The following SYMPK variants were observed in gnomAD, a reference collection of about 807,000 sequenced individuals.
SYMPK encodes symplekin.
In SYMPK, 49 loss-of-function variants were observed where a neutral mutation model predicts 136.4. The observed-to-expected ratio is 0.36, with a 90% confidence interval of 0.29 to 0.46. The LOEUF (loss-of-function observed/expected upper bound fraction) is 0.46. Ranked by LOEUF, SYMPK falls within the 20% of genes least tolerant of loss-of-function variation. SYMPK has a pLI of 1.00. For missense variants in SYMPK, 1,365 were observed against 1,690.0 expected (o/e 0.81, Z 3.37); for synonymous variants, 766 against 713.0 (o/e 1.07, Z -1.19).
intron 1 of SYMPK, among the ~76,000 whole-genome samples, chr19:45,862,243 T>C (rs1379249550): frequency 6.6e-6 from 1 of 152,154 alleles, no homozygotes; most frequent in Non-Finnish European, 1.5e-5. Context: ...TTTAAGAACA[T>C]TTGGGATGCG....
intron 5 of SYMPK, among the ~76,000 whole-genome samples, chr19:45,850,435 C>T (rs913852715): frequency 1.3e-5 from 2 of 152,188 alleles, no homozygotes; most frequent in African/African-American, 4.8e-5. Context: ...ATTTAATACA[C>T]AGTAGCTAGT....
chr19:45,829,388 G>A (rs907571798), intron 13 of SYMPK, among the ~76,000 whole-genome samples, 183 bp from the exon 14 acceptor site: 2 of 152,098 alleles, frequency 1.3e-5, no homozygotes, highest in African/African-American at 4.8e-5. Flanking sequence ...GGGGGGTGGG[G>A]GTACCAGGGT....
At chr19:45,858,250 T>C (rs1296549344) in intron 1 of SYMPK, among the ~76,000 whole-genome samples, 1 of 152,182 alleles carries the variant, frequency 6.6e-6, no homozygotes, top group Non-Finnish European at 1.5e-5. Context: ...TCAGGGCCAA[T>C]GTCCCCATCA....
chr19:45,849,023 C>T, intron 5 of SYMPK, 147 bp from the exon 6 acceptor site: 1 of 931,226 alleles, frequency 1.1e-6, no homozygotes, highest in Non-Finnish European at 1.7e-6. Context: ...GTGCTTGGTG[C>T]CTCCAGACTG....
chr19:45,827,565 C>A lies in SYMPK; in HGVS notation c.2126G>T (p.Arg709Leu). Reference sequence around the variant, plus strand: ...GAGGACATGCAGGTACTGGAACTGGCGGGACGGGCGCTTGAAGATCAGGTC... The same window carrying A: ...GAGGACATGCAGGTACTGGAACTGGAGGGACGGGCGCTTGAAGATCAGGTC... ...LRDLIFKRPS[R>L]QFQYLHVLLD... Residue 709 changes from arginine to leucine, a missense_variant, in exon 16 of 27, where the codon CGC becomes CTC. Around this residue, in one of 11 missense-constraint regions of SYMPK, gnomAD observed 303 missense variants for 326.6 expected, o/e 0.93. Coordinates refer to ENST00000245934, the MANE Select transcript of SYMPK (RefSeq NM_004819.3). 6.2e-7 allele frequency: 1 copy of A among 1,614,062 alleles called. No homozygotes were observed. The highest frequency in any genetic ancestry group is 8.5e-7 in the Non-Finnish European group (1 of 1,179,998).
chr19:45,842,378 T>G lies in SYMPK; in HGVS notation c.959A>C (p.Gln320Pro). The G allele has an allele frequency of 6.2e-7, 1 of 1,614,198 alleles. No homozygotes were observed. Among genetic ancestry groups the G allele is most frequent in the South Asian group, 1.1e-5 (1 of 91,086 alleles). The stretch of plus-strand genomic sequence containing the variant: ...CAGGTCCACCAGCAGGGTGGTGATC[T>G]GGGCCTGGAACTCCAAGGAAGCCGG... Reference protein sequence around the residue: ...KHPASLEFQAQITTLLVDLGT... With the variant: ...KHPASLEFQAPITTLLVDLGT... Residue 320 changes from glutamine to proline, a missense_variant, in exon 9 of 27, where the codon CAG (glutamine) becomes CCG (proline). By Grantham distance (76) the Gln-to-Pro change is moderately conservative. Coordinates refer to ENST00000245934, the MANE Select transcript of SYMPK (RefSeq NM_004819.3).
At chr19:45,845,514 G>A (rs898284767) in intron 7 of SYMPK, among the ~76,000 whole-genome samples, 2 of 152,074 alleles carry the variant, frequency 1.3e-5, no homozygotes, top group Non-Finnish European at 2.9e-5. Flanking sequence ...CCATGTTGTT[G>A]CAAATGACAG....
At chr19:45,853,749 A>AGCCCCTCTGGGCTCCCG (rs1971749506) in intron 3 of SYMPK, among the ~76,000 whole-genome samples, 1 of 151,788 alleles carries the variant, frequency 6.6e-6, no homozygotes. Flanking sequence ...CTGGGCTCCC[A>AGCCCCTCTGGGCTCCCG]GAGCCCCCCT....
At chr19:45,820,826 G>A in intron 22 of SYMPK, 1 of 399,516 alleles carries the variant, frequency 2.5e-6, no homozygotes, top group Non-Finnish European at 4.5e-6. Flanking sequence ...CACAATGGAA[G>A]TGAACATACC....
Position 45,854,417 on chromosome 19 carries a change from T to C in SYMPK, c.79A>G (p.Ile27Val). 1.2e-6 allele frequency: 2 copies of C among 1,614,190 alleles called. No homozygotes were observed. Among genetic ancestry groups the C allele is most frequent in the Non-Finnish European group, 1.7e-6 (2 of 1,180,026 alleles). ...CTCTCTGAGGTGGTCATGCCATCGA[T>C]GCCCGGCCCCTCCTCTTGAGTGAAA... ...QFFTQEEGPG[I>V]DGMTTSERVV... Residue 27 changes from isoleucine to valine, a missense_variant, in exon 2 of 27, where the codon ATC (isoleucine) becomes GTC (valine). Physicochemically the swap from Ile to Val is conservative, Grantham distance 29 (BLOSUM62 3). Around this residue, in one of 11 missense-constraint regions of SYMPK, gnomAD observed 61 missense variants for 80.7 expected, o/e 0.76. Coordinates refer to ENST00000245934, the MANE Select transcript of SYMPK (RefSeq NM_004819.3).
chr19:45,816,593 G>C lies in SYMPK; in HGVS notation c.3259-16C>G, dbSNP rs1970746294. ...TGTGAGCTTGCTGGGTGGAGAGCAG[G>C]AAGGGGGCGCTGGGGGCAGCTCTGG... On this transcript the variant is annotated splice_polypyrimidine_tract_variant and intron_variant, in intron 24 of 26. Coordinates refer to ENST00000245934, the MANE Select transcript of SYMPK (RefSeq NM_004819.3). The C allele has an allele frequency of 4.3e-6, 7 of 1,613,292 alleles. No homozygotes were observed. Among genetic ancestry groups the C allele is most frequent in the Non-Finnish European group, 5.1e-6 (6 of 1,179,954 alleles).
In SYMPK at chr19:45,840,570, G is replaced by C. The variant is rs376939896; in HGVS notation, c.1087+1680C>G. ...CCCAGCTACTTGGGAGGCTGAGGCA[G>C]GAGAATTGCCTGAATCTGGGAGGCA... On this transcript the variant is annotated intron_variant, in intron 9 of 26. Transcript: ENST00000245934. 3.9e-5 allele frequency among the ~76,000 whole-genome samples: 6 copies of C among 152,134 alleles called. No individual in the cohort carries two copies. The South Asian group carries it at 1.0e-3, about 26-fold the overall frequency.
At position 45,830,159 on chromosome 19, in the gene SYMPK, G is replaced by A. The variant is rs773340509; in HGVS notation, c.1644C>T (p.Asp548=). The stretch of plus-strand genomic sequence containing the variant: ...GGGCATCGGTAAGGGGCTTCAGCAC[G>A]TCGCTGAGACGGAAAATTTTCTTGC... ...GGRKKIFRLS[D]VLKPLTDAQV... is the part of the protein sequence containing the mutation. Residue 548 remains aspartate, a synonymous_variant, in exon 13 of 27, where the codon GAC becomes GAT. Transcript: ENST00000245934. The A allele has an allele frequency of 7.2e-5, 115 of 1,607,830 alleles. No individual in the cohort carries two copies. The highest frequency in any genetic ancestry group is 1.3e-4 in the East Asian group (6 of 44,714).
chr19:45,852,581 G>T, intron 3 of SYMPK, 46 bp from the exon 4 acceptor site: 2 of 1,609,376 alleles, frequency 1.2e-6, no homozygotes, highest in South Asian at 1.1e-5. Context: ...CATATAAAAC[G>T]AGGGGCCAAT....
Position 45,816,056 on chromosome 19 carries a change from G to C in SYMPK, c.3482C>G (p.Pro1161Arg). The change falls in exon 26 of 27, where the codon CCG becomes CGG. Residue 1161 changes from proline to arginine, a missense_variant. Pro to Arg is a moderately radical substitution (Grantham distance 103). Transcript: ENST00000245934. ...AGAGGAGGGGGCTCCCACTCCTCCCGGCTTCAGCTTCTGTTCCTCCTCCAG... is the reference window on the plus strand; with the variant it reads ...AGAGGAGGGGGCTCCCACTCCTCCCCGCTTCAGCTTCTGTTCCTCCTCCAG... ...RQLEEEQKLKPGGVGAPSSSS... is the reference protein window; with the variant it reads ...RQLEEEQKLKRGGVGAPSSSS... The C allele has an allele frequency of 6.4e-7, 1 of 1,565,312 alleles. No homozygotes were observed. Among genetic ancestry groups the C allele is most frequent in the East Asian group, 2.3e-5 (1 of 42,596 alleles).
intron 12 of SYMPK, 51 bp from the exon 13 acceptor site, chr19:45,830,255 G>C (rs1411554279): frequency 1.3e-6 from 2 of 1,565,362 alleles, no homozygotes; most frequent in East Asian, 2.3e-5. Context: ...TGCAGCAAAG[G>C]CCTGTCTGGT....
chr19:45,838,460 C>G lies in SYMPK; in HGVS notation c.1242+1G>C, dbSNP rs767307311. ...GGAAAACGCTCCCCACCCATCCTCA[C>G]CAGATTAGCCACATTATCAGGCGTC... On this transcript the variant is annotated splice_donor_variant, in intron 10 of 26. Coordinates refer to ENST00000245934, the MANE Select transcript of SYMPK (RefSeq NM_004819.3). LOFTEE classifies it high-confidence loss of function. 3 of 1,612,802 alleles carry G rather than the reference C, an allele frequency of 1.9e-6. No homozygotes were observed. Among genetic ancestry groups the G allele is most frequent in the Non-Finnish European group, 2.5e-6 (3 of 1,179,076 alleles).
At chr19:45,828,137 C>T in intron 14 of SYMPK, 1 of 527,140 alleles carries the variant, frequency 1.9e-6, no homozygotes, top group Non-Finnish European at 3.4e-6. Flanking sequence ...CTCATTTCTT[C>T]CGTTTGTCAA....
chr19:45,824,723 A>T (rs8109700), intron 18 of SYMPK, among the ~76,000 whole-genome samples: 1 of 152,066 alleles, frequency 6.6e-6, no homozygotes, highest in African/African-American at 2.4e-5. Flanking sequence ...ATGTGGGCAG[A>T]CCTGTGCCTC....
Sources: allele counts gnomAD v4.1 joint callset (sites outside exome capture counted in the v4.1 genomes callset), GRCh38; gene constraint gnomAD v4.1.1; regional missense constraint gnomAD v4.1.1; transcripts MANE v1.5; gene names NCBI Gene and HGNC (gene_info 2026-07-23, HGNC 2026-07-21).